The following KCNH7 variants were observed in gnomAD, a reference collection of about 807,000 sequenced individuals.
KCNH7 encodes potassium voltage-gated channel subfamily H member 7.
KCNH7 carries 49 observed loss-of-function variants against 120.8 expected under a neutral mutation model. The ratio of observed to expected loss-of-function variants is 0.41; its 90% CI spans 0.32 to 0.51. The LOEUF (loss-of-function observed/expected upper bound fraction) is 0.51, where lower values mean the gene tolerates loss of function less well. KCNH7 is among the 20% of genes least tolerant of loss of function. The pLI is 0.38. For synonymous variants in KCNH7, 547 were observed against 516.1 expected, an observed-to-expected ratio of 1.06 and a Z score of -0.81; for missense variants, 1,097 against 1,446.6, an observed-to-expected ratio of 0.76 and a Z score of 3.92.
At chr2:162,664,016 C>T (rs10182227) in intron 2 of KCNH7, among the ~76,000 whole-genome samples, 48,598 of 151,980 alleles carry the variant, frequency 0.32, 12,432 homozygotes, top group African/African-American at 0.69. Flanking sequence ...CAAGACCATG[C>T]CAATGCTATA....
At position 162,561,462 on chromosome 2, in the gene KCNH7, C is replaced by T. The variant is rs552715879; in HGVS notation, c.308-24382G>A. ...TTCTAGTTCTAGATTCTTGAGGAATCGCCACACTGTCTTCCACAATGGTTG... is the reference window on the plus strand; with the variant it reads ...TTCTAGTTCTAGATTCTTGAGGAATTGCCACACTGTCTTCCACAATGGTTG... On this transcript the variant is annotated intron_variant, in intron 2 of 15. Transcript: ENST00000332142. Among the ~76,000 whole-genome samples, 58 of 152,292 alleles carry T rather than the reference C, an allele frequency of 3.8e-4. 1 individual carries two copies. The South Asian group carries it at 0.012, about 31-fold the overall frequency.
At position 162,639,653 on chromosome 2, in the gene KCNH7, C is replaced by T. The variant is rs181227640; in HGVS notation, c.308-102573G>A. On this transcript the variant is annotated intron_variant, in intron 2 of 15. Coordinates refer to ENST00000332142, the MANE Select transcript of KCNH7 (RefSeq NM_033272.4). ...GTCTGAAAGATTGAATGTCTTCCCC[C>T]TAAGACTAGGAACAAGGTAAAAATG... Among the ~76,000 whole-genome samples, 463 of 152,202 alleles carry T rather than the reference C, an allele frequency of 3.0e-3. 1 individual carries two copies. The highest frequency in any genetic ancestry group is 0.011 in the African/African-American group (441 of 41,540).
At chr2:162,408,816 A>G (rs1238854688) in intron 9 of KCNH7, among the ~76,000 whole-genome samples, 1 of 151,956 alleles carries the variant, frequency 6.6e-6, no homozygotes. Flanking sequence ...ATAAGGAAAA[A>G]CAATTAAAAA....
At chr2:162,727,713 T>C (rs565049260) in intron 2 of KCNH7, among the ~76,000 whole-genome samples, 1 of 152,328 alleles carries the variant, frequency 6.6e-6, no homozygotes, top group East Asian at 1.9e-4. Flanking sequence ...GAACAGTTTG[T>C]TTACATACTT....
At chr2:162,439,272 G>A (rs1359928039) in intron 7 of KCNH7, among the ~76,000 whole-genome samples, 1 of 151,916 alleles carries the variant, frequency 6.6e-6, no homozygotes, top group Non-Finnish European at 1.5e-5. Context: ...GAAAAATATT[G>A]TCTGTTTATT....
At chr2:162,731,347 A>G (rs1175145313) in intron 2 of KCNH7, among the ~76,000 whole-genome samples, 1 of 150,892 alleles carries the variant, frequency 6.6e-6, no homozygotes. Context: ...GCACATGTGC[A>G]TAAGGAACTG....
chr2:162,788,460 C>T (rs1043805814), intron 2 of KCNH7, among the ~76,000 whole-genome samples: 7 of 152,000 alleles, frequency 4.6e-5, no homozygotes, highest in Admixed American at 2.0e-4. Flanking sequence ...AGCTGAAGAA[C>T]ACAATAGATA....
At chr2:162,434,735 A>G (rs746950963) in intron 8 of KCNH7, among the ~76,000 whole-genome samples, 1 of 151,982 alleles carries the variant, frequency 6.6e-6, no homozygotes, top group Non-Finnish European at 1.5e-5. Context: ...ACATACATAC[A>G]TATGTATATG....
At chr2:162,588,601 T>G (rs1694100906) in intron 2 of KCNH7, among the ~76,000 whole-genome samples, 1 of 152,054 alleles carries the variant, frequency 6.6e-6, no homozygotes, top group Admixed American at 6.6e-5. Context: ...AGTTTAAAAT[T>G]TTATTTTTAA....
chr2:162,485,645 A>C (rs991485597), intron 6 of KCNH7, among the ~76,000 whole-genome samples: 1 of 152,180 alleles, frequency 6.6e-6, no homozygotes, highest in African/African-American at 2.4e-5. Context: ...AGTAAGAAAA[A>C]GAGAGGGAGA....
At chr2:162,559,054 C>CA (rs780823559) in intron 2 of KCNH7, among the ~76,000 whole-genome samples, 2,720 of 36,542 alleles carry the variant, frequency 0.074, 202 homozygotes, top group African/African-American at 0.15. Flanking sequence ...GACTCTGCCT[C>CA]AAAAAAAAAA....
chr2:162,448,028 A>G (rs1274443717), intron 6 of KCNH7, among the ~76,000 whole-genome samples: 1 of 152,086 alleles, frequency 6.6e-6, no homozygotes, highest in Non-Finnish European at 1.5e-5. Context: ...TAGAGAGAAC[A>G]GGGTTTTATT....
chr2:162,501,115 T>G (rs1690671613), intron 6 of KCNH7, among the ~76,000 whole-genome samples: 1 of 152,022 alleles, frequency 6.6e-6, no homozygotes, highest in Admixed American at 6.6e-5. Flanking sequence ...GGAAGGTTTG[T>G]CACTAAGAGC....
intron 2 of KCNH7, among the ~76,000 whole-genome samples, chr2:162,598,574 C>A (rs1351971897): frequency 6.6e-6 from 1 of 151,996 alleles, no homozygotes; most frequent in Admixed American, 6.6e-5. Context: ...TTAAAAGACC[C>A]AATACTGAGT....
At chr2:162,394,583 A>T (rs572918753) in intron 11 of KCNH7, 98 bp from the exon 12 acceptor site, 2 of 705,206 alleles carry the variant, frequency 2.8e-6, no homozygotes, top group East Asian at 2.7e-5. Flanking sequence ...TGTTTCAACC[A>T]TCTTGAGACT....
intron 2 of KCNH7, among the ~76,000 whole-genome samples, chr2:162,578,467 C>T (rs913722080): frequency 2.0e-5 from 3 of 151,968 alleles, no homozygotes; most frequent in African/African-American, 7.2e-5. Context: ...GCTAGTGACA[C>T]GGCCAAGGCT....
chr2:162,396,905 G>A lies in KCNH7; in HGVS notation c.2448C>T (p.Ala816=). Reference sequence around the variant, plus strand: ...CATCTGCATTAGACTTTCCAGGTTTGGCATAAAGATGAACCATTTCTCCAA... The same window carrying A: ...CATCTGCATTAGACTTTCCAGGTTTAGCATAAAGATGAACCATTTCTCCAA... ...DIFGEMVHLY[A]KPGKSNADVR... is the part of the protein sequence containing the mutation. The change falls in exon 11 of 16, where the codon GCC becomes GCT. Residue 816 remains alanine (A), a synonymous_variant. Transcript: ENST00000332142. 1.9e-6 allele frequency: 3 copies of A among 1,610,794 alleles called. No individual in the cohort carries two copies. The highest frequency in any genetic ancestry group is 2.5e-6 in the Non-Finnish European group (3 of 1,178,070).
chr2:162,762,172 A>G (rs1688989841), intron 2 of KCNH7, among the ~76,000 whole-genome samples: 2 of 151,808 alleles, frequency 1.3e-5, no homozygotes, highest in Non-Finnish European at 2.9e-5. Context: ...TTCCCTGACT[A>G]GAGATCTCCT....
chr2:162,792,351 A>G (rs924153563), intron 2 of KCNH7, among the ~76,000 whole-genome samples: 2 of 152,110 alleles, frequency 1.3e-5, no homozygotes, highest in Non-Finnish European at 2.9e-5. Context: ...TAGTTTCAGC[A>G]GGAATATTGC....
Sources: gnomAD v4.1 joint callset for allele counts (sites outside exome capture counted in the v4.1 genomes callset) on GRCh38, gnomAD v4.1.1 for gene constraint, MANE v1.5 for transcripts, NCBI Gene and HGNC (gene_info 2026-07-23, HGNC 2026-07-21) for gene names.